The following MNAT1 variants were observed in gnomAD, a reference collection of about 807,000 sequenced individuals.
MNAT1 encodes CDK-activating kinase assembly factor MAT1.
Under a neutral mutation model 42.0 loss-of-function variants are expected in MNAT1, and 43 were observed. The ratio of observed to expected loss-of-function variants is 1.02; its 90% CI spans 0.80 to 1.32. The LOEUF (loss-of-function observed/expected upper bound fraction) is 1.32. Among genes scored for constraint, MNAT1 ranks in the 40% most tolerant of loss-of-function variants. The pLI is 0.00. For synonymous variants in MNAT1, 118 were observed against 120.0 expected (o/e 0.98, Z 0.11); for missense variants, 306 against 350.4 (o/e 0.87, Z 1.01).
chr14:60,889,066 A>G (rs1277902210), intron 7 of MNAT1, among the ~76,000 whole-genome samples: 1 of 150,530 alleles, frequency 6.6e-6, no homozygotes, highest in African/African-American at 2.4e-5. Flanking sequence ...TCAAGCTACC[A>G]ATGACTTTCT....
intron 6 of MNAT1, among the ~76,000 whole-genome samples, chr14:60,863,894 A>C (rs1302639758): frequency 6.6e-6 from 1 of 152,088 alleles, no homozygotes; most frequent in African/African-American, 2.4e-5. Context: ...AAGGCAATTT[A>C]CTTCTGCATT....
intron 1 of MNAT1, among the ~76,000 whole-genome samples, chr14:60,757,496 G>A (rs757000120): frequency 6.6e-6 from 1 of 152,132 alleles, no homozygotes; most frequent in Non-Finnish European, 1.5e-5. Context: ...TTGTTTCAAA[G>A]ATATTTTTAA....
At chr14:60,952,413 A>G (rs4151392) in intron 7 of MNAT1, among the ~76,000 whole-genome samples, 99,958 of 152,030 alleles carry the variant, frequency 0.66, 33,279 homozygotes, top group Non-Finnish European at 0.71. Flanking sequence ...AACATACTGT[A>G]AATAGGGAGA....
intron 1 of MNAT1, among the ~76,000 whole-genome samples, chr14:60,760,894 A>G (rs1367805994): frequency 6.6e-6 from 1 of 152,200 alleles, no homozygotes; most frequent in Non-Finnish European, 1.5e-5. Context: ...ATTGATTTTC[A>G]TGATGGTAGC....
intron 3 of MNAT1, among the ~76,000 whole-genome samples, 174 bp from the exon 4 acceptor site, chr14:60,808,151 T>C (rs1260462959): frequency 1.1e-4 from 17 of 152,160 alleles, no homozygotes; most frequent in Non-Finnish European, 2.5e-4. Flanking sequence ...TTGGAAAACA[T>C]GTTTGCCGTA....
intron 7 of MNAT1, among the ~76,000 whole-genome samples, chr14:60,910,535 A>G (rs1028905706): frequency 6.6e-6 from 1 of 152,212 alleles, no homozygotes; most frequent in African/African-American, 2.4e-5. Flanking sequence ...TTAAGCATGA[A>G]GCATTGTCGA....
chr14:60,816,447 G>A (rs1016132728), intron 5 of MNAT1, among the ~76,000 whole-genome samples: 4 of 151,974 alleles, frequency 2.6e-5, no homozygotes, highest in Non-Finnish European at 4.4e-5. Flanking sequence ...GTTGTCAAAC[G>A]CAGTAGGTGA....
intron 1 of MNAT1, among the ~76,000 whole-genome samples, chr14:60,770,981 A>G (rs1232635556): frequency 6.6e-6 from 1 of 152,060 alleles, no homozygotes; most frequent in Non-Finnish European, 1.5e-5. Flanking sequence ...CTTTTTTGCT[A>G]TAGGAAATTA....
chr14:60,812,839 A>G (rs2032595152), intron 5 of MNAT1, among the ~76,000 whole-genome samples: 1 of 152,108 alleles, frequency 6.6e-6, no homozygotes, highest in Admixed American at 6.5e-5. Context: ...CTCTGCTAAG[A>G]GCTGTTTTCA....
chr14:60,949,275 G>A (rs1028562847), intron 7 of MNAT1, among the ~76,000 whole-genome samples: 6 of 152,074 alleles, frequency 3.9e-5, no homozygotes, highest in Non-Finnish European at 8.8e-5. Flanking sequence ...TGTTCTTGGC[G>A]TAGGAAAACT....
At chr14:60,834,261 G>A (rs2033311906) in intron 6 of MNAT1, among the ~76,000 whole-genome samples, 1 of 152,020 alleles carries the variant, frequency 6.6e-6, no homozygotes, top group South Asian at 2.1e-4. Context: ...TAATTGTGAT[G>A]TTAGTGTGTC....
At chr14:60,872,290 T>A (rs962122387) in intron 6 of MNAT1, among the ~76,000 whole-genome samples, 1 of 152,132 alleles carries the variant, frequency 6.6e-6, no homozygotes, top group African/African-American at 2.4e-5. Context: ...TCATGAAGGC[T>A]CCAGTCCCAT....
At chr14:60,892,852 C>G (rs1396511394) in intron 7 of MNAT1, among the ~76,000 whole-genome samples, 1 of 152,092 alleles carries the variant, frequency 6.6e-6, no homozygotes, top group Non-Finnish European at 1.5e-5. Flanking sequence ...TGCAGAAACT[C>G]TGCTTTTAAA....
rs4151271 is a variant in MNAT1, at chr14:60,856,825, C to A, written c.688-22889C>A. ...CCTCCTGAGTAGCTGGGACTACAGG[C>A]GCTCACCACCACGCCCAGCTAATTT... On this transcript the variant is annotated intron_variant, in intron 6 of 7. Transcript: ENST00000261245. Among the ~76,000 whole-genome samples the A allele has an allele frequency of 3.3e-5, 5 of 151,804 alleles. No homozygotes were observed. The South Asian group carries it at 6.2e-4, about 19-fold the overall frequency.
chr14:60,799,585 G>A (rs1159866064), intron 3 of MNAT1, among the ~76,000 whole-genome samples: 1 of 152,012 alleles, frequency 6.6e-6, no homozygotes, highest in African/African-American at 2.4e-5. Flanking sequence ...CAAGCAGGCA[G>A]TCAGGATAAC....
intron 6 of MNAT1, among the ~76,000 whole-genome samples, chr14:60,840,359 A>T (rs2033512404): frequency 6.6e-6 from 1 of 152,252 alleles, no homozygotes; most frequent in African/African-American, 2.4e-5. Flanking sequence ...GGGTAAAAGC[A>T]TCTCATACTA....
At position 60,734,950 on chromosome 14, in the gene MNAT1, CTGTG is replaced by C; in HGVS notation, c.89_89+3del. 6.2e-7 allele frequency: 1 copy of C among 1,614,102 alleles called. No homozygotes were observed. ...GATGGTGAATGTGTGCGGACACACT[CTGTG>C]AGTTGGGCGGCAGTGGATTCCCTGG... On this transcript the variant is annotated splice_donor_variant and splice_donor_region_variant and coding_sequence_variant and intron_variant, in exon 1 of 8. Coordinates refer to ENST00000261245, the MANE Select transcript of MNAT1 (RefSeq NM_002431.4). LOFTEE classifies it high-confidence loss of function. This position sits in a 1 kb window ranked among gnomAD's most constrained non-coding sequence, Gnocchi z 4.3.
intron 7 of MNAT1, among the ~76,000 whole-genome samples, chr14:60,909,355 T>C (rs1594859330): frequency 6.6e-6 from 1 of 152,170 alleles, no homozygotes; most frequent in South Asian, 2.1e-4. Context: ...ATTTTGGCTT[T>C]TGTTGCCATT....
At chr14:60,956,874 C>T (rs922773639) in intron 7 of MNAT1, among the ~76,000 whole-genome samples, 2 of 151,982 alleles carry the variant, frequency 1.3e-5, no homozygotes, top group African/African-American at 4.8e-5. Flanking sequence ...CTGTGTGTGT[C>T]CTTAAATGTG....
Sources: gnomAD v4.1 joint callset for allele counts (sites outside exome capture counted in the v4.1 genomes callset) on GRCh38, gnomAD v4.1.1 for gene constraint, Gnocchi (gnomAD v3.1) non-coding constraint, MANE v1.5 for transcripts, NCBI Gene and HGNC (gene_info 2026-07-23, HGNC 2026-07-21) for gene names.